The following MNAT1 variants were observed in gnomAD, a reference collection of about 807,000 sequenced individuals.
The protein encoded by MNAT1 is CDK-activating kinase assembly factor MAT1.
Under a neutral mutation model 42.0 loss-of-function variants are expected in MNAT1, and 43 were observed. The ratio of observed to expected loss-of-function variants is 1.02; its 90% CI spans 0.80 to 1.32. MNAT1 has a LOEUF of 1.32. MNAT1 is among the 40% of genes most tolerant of loss of function. The probability of loss-of-function intolerance (pLI) is 0.00; values close to 1 mark genes in which losing one functional copy is unlikely to be tolerated. For missense variants in MNAT1, 306 were observed against 350.4 expected (o/e 0.87, Z 1.01); for synonymous variants, 118 against 120.0 (o/e 0.98, Z 0.11).
At chr14:60,747,430 T>C (rs2029884695) in intron 1 of MNAT1, among the ~76,000 whole-genome samples, 1 of 152,176 alleles carries the variant, frequency 6.6e-6, no homozygotes, top group South Asian at 2.1e-4. Context: ...TTATTGCTCC[T>C]AGGCTACAGG....
chr14:60,787,135 A>G (rs1187990445), intron 1 of MNAT1, among the ~76,000 whole-genome samples: 1 of 152,148 alleles, frequency 6.6e-6, no homozygotes, highest in Non-Finnish European at 1.5e-5. Context: ...TCGTATGCAG[A>G]CATACCTCAG....
At chr14:60,846,412 C>A (rs1036326739) in intron 6 of MNAT1, among the ~76,000 whole-genome samples, 1 of 151,676 alleles carries the variant, frequency 6.6e-6, no homozygotes, top group Non-Finnish European at 1.5e-5. Flanking sequence ...TTTTGATTTC[C>A]ATTTCATTGA....
At chr14:60,822,534 T>G (rs2032922056) in intron 6 of MNAT1, among the ~76,000 whole-genome samples, 1 of 151,902 alleles carries the variant, frequency 6.6e-6, no homozygotes, top group African/African-American at 2.4e-5. Context: ...CAAGCCATCC[T>G]CCTATTGCAG....
rs1360274872 is a variant in MNAT1, at chr14:60,968,783, T to C, written c.*434T>C. The C allele has an allele frequency of 7.3e-6, 2 of 273,638 alleles. No individual in the cohort carries two copies. The highest frequency in any genetic ancestry group is 3.6e-5 in the South Asian group (1 of 27,828). The allele number at this position is 273,638 out of a possible 1,614,324, so 17.0% of individuals were successfully genotyped here. ...TAATATCCAAGTCTATTATTTCTTC[T>C]CATAAAATGTTCCCCTTTTTCCTAA... On this transcript the variant is annotated 3_prime_UTR_variant, in exon 8 of 8. Coordinates refer to ENST00000261245, the MANE Select transcript of MNAT1 (RefSeq NM_002431.4).
At chr14:60,751,005 G>C (rs1030215433) in intron 1 of MNAT1, among the ~76,000 whole-genome samples, 1 of 152,090 alleles carries the variant, frequency 6.6e-6, no homozygotes, top group Non-Finnish European at 1.5e-5. Context: ...TTATTAAAAG[G>C]ATTGATAGGA....
intron 7 of MNAT1, among the ~76,000 whole-genome samples, chr14:60,903,419 C>T (rs534868028): frequency 2.6e-5 from 4 of 152,166 alleles, no homozygotes; most frequent in South Asian, 4.1e-4. Context: ...GATTAGTTTA[C>T]GTTCTACCAG....
chr14:60,791,955 A>G (rs1390133613), intron 1 of MNAT1, among the ~76,000 whole-genome samples: 1 of 152,146 alleles, frequency 6.6e-6, no homozygotes, highest in East Asian at 1.9e-4. Context: ...AAAAATAAGA[A>G]AAGAAAATGT....
chr14:60,786,606 CAT>C (rs1449934287), intron 1 of MNAT1, among the ~76,000 whole-genome samples: 1 of 152,134 alleles, frequency 6.6e-6, no homozygotes, highest in Non-Finnish European at 1.5e-5. Flanking sequence ...AAACCTATTA[CAT>C]GTTACCACAA....
intron 1 of MNAT1, among the ~76,000 whole-genome samples, chr14:60,795,884 G>A (rs2031999834): frequency 6.6e-6 from 1 of 152,132 alleles, no homozygotes; most frequent in Non-Finnish European, 1.5e-5. Context: ...GATGATATTG[G>A]GACTGGGGAT....
chr14:60,964,264 C>A (rs1317016332), intron 7 of MNAT1, among the ~76,000 whole-genome samples: 1 of 152,164 alleles, frequency 6.6e-6, no homozygotes, highest in Non-Finnish European at 1.5e-5. Context: ...GTATCTTACG[C>A]CCTTCTCAGG....
At chr14:60,761,865 T>C (rs2030612827) in intron 1 of MNAT1, among the ~76,000 whole-genome samples, 2 of 152,236 alleles carry the variant, frequency 1.3e-5, no homozygotes, top group Admixed American at 1.3e-4. Context: ...TTGTAAATAA[T>C]GGTTTTGTTT....
At chr14:60,966,127 A>G (rs1362392160) in intron 7 of MNAT1, among the ~76,000 whole-genome samples, 3 of 150,750 alleles carry the variant, frequency 2.0e-5, no homozygotes, top group Non-Finnish European at 4.4e-5. Flanking sequence ...AACAACGACT[A>G]TTTTTCTTTT....
intron 7 of MNAT1, among the ~76,000 whole-genome samples, chr14:60,944,142 T>C (rs2036229035): frequency 6.6e-6 from 1 of 152,164 alleles, no homozygotes; most frequent in Non-Finnish European, 1.5e-5. Context: ...TATTAACTAG[T>C]AGAGGAGGTA....
At chr14:60,774,750 T>C (rs916755554) in intron 1 of MNAT1, among the ~76,000 whole-genome samples, 2 of 152,156 alleles carry the variant, frequency 1.3e-5, no homozygotes, top group Non-Finnish European at 2.9e-5. Context: ...TGTGGGTAAT[T>C]AGGAAGTGGA....
At chr14:60,860,128 G>A (rs2034060284) in intron 6 of MNAT1, among the ~76,000 whole-genome samples, 1 of 152,016 alleles carries the variant, frequency 6.6e-6, no homozygotes, top group African/African-American at 2.4e-5. Context: ...GATGCCTTGA[G>A]TTCTAACTTT....
chr14:60,747,197 G>C (rs377681442), intron 1 of MNAT1, among the ~76,000 whole-genome samples: 9 of 151,630 alleles, frequency 5.9e-5, no homozygotes, highest in African/African-American at 2.2e-4. Flanking sequence ...TGTTAGCCAG[G>C]ATGGTCTTGA....
chr14:60,912,815 C>CT (rs1448055040), intron 7 of MNAT1, among the ~76,000 whole-genome samples: 5 of 152,128 alleles, frequency 3.3e-5, no homozygotes, highest in African/African-American at 1.2e-4. Flanking sequence ...TGGAGTTGCT[C>CT]TTCTCGAGGA....
intron 1 of MNAT1, among the ~76,000 whole-genome samples, chr14:60,746,286 C>T (rs377141852): frequency 1.5e-4 from 23 of 152,106 alleles, no homozygotes; most frequent in Admixed American, 7.9e-4. Context: ...GAGGCCGAGG[C>T]GGGTAGATTA....
chr14:60,740,680 C>G lies in MNAT1; in HGVS notation c.89+5729C>G, dbSNP rs1896437418. 6.6e-6 allele frequency among the ~76,000 whole-genome samples: 1 copy of G among 152,086 alleles called. No individual in the cohort carries two copies. The highest frequency in any genetic ancestry group is 2.4e-5 in the African/African-American group (1 of 41,420). The stretch of plus-strand genomic sequence containing the variant: ...GTGGAAGATTTAGAACAGGAACATT[C>G]TAGATATATTATTTTATAATTTTCT... On this transcript the variant is annotated intron_variant, in intron 1 of 7. Coordinates refer to ENST00000261245, the MANE Select transcript of MNAT1 (RefSeq NM_002431.4). The surrounding 1 kb of genome is among the most constrained non-coding windows in gnomAD (Gnocchi z 4.1).
Sources: gnomAD v4.1 joint callset for allele counts (sites outside exome capture counted in the v4.1 genomes callset) on GRCh38, gnomAD v4.1.1 for gene constraint, Gnocchi (gnomAD v3.1) non-coding constraint, MANE v1.5 for transcripts, NCBI Gene and HGNC (gene_info 2026-07-23, HGNC 2026-07-21) for gene names.